Variants in ABCA9 observed in about 807,000 individuals in gnomAD.
ABCA9 encodes the protein ATP-binding cassette sub-family A member 9.
ABCA9 carries 183 observed loss-of-function variants against 205.3 expected under a neutral mutation model. The ratio of observed to expected loss-of-function variants is 0.89; its 90% CI spans 0.79 to 1.01. The LOEUF (loss-of-function observed/expected upper bound fraction) is 1.01. ABCA9 is among the 50% of genes least tolerant of loss of function. ABCA9 has a pLI of 0.00. For synonymous variants in ABCA9, 651 were observed against 683.3 expected (o/e 0.95, Z 0.74); for missense variants, 1,805 against 1,912.4 (o/e 0.94, Z 1.05).
intron 28 of ABCA9, among the ~76,000 whole-genome samples, chr17:68,991,842 ATTC>A (rs1267962953): frequency 6.6e-6 from 1 of 152,138 alleles, no homozygotes; most frequent in African/African-American, 2.4e-5. Context: ...TGCACAAACT[ATTC>A]TTCCTTCCCG....
intron 6 of ABCA9, chr17:69,043,220 A>G: frequency 3.0e-6 from 1 of 331,284 alleles, no homozygotes; most frequent in Non-Finnish European, 5.5e-6. Flanking sequence ...ATAGAGTTTG[A>G]GCTTCTGTGA....
chr17:69,051,233 T>G, intron 1 of ABCA9, 94 bp from the exon 2 acceptor site: 3 of 1,075,956 alleles, frequency 2.8e-6, no homozygotes, highest in Non-Finnish European at 3.9e-6. Flanking sequence ...GTAACAGCTG[T>G]TTCCAGTTGC....
chr17:69,012,750 C>CTT (rs1469156599), intron 22 of ABCA9, among the ~76,000 whole-genome samples: 1 of 152,106 alleles, frequency 6.6e-6, no homozygotes, highest in East Asian at 1.9e-4. Context: ...CAATTATACT[C>CTT]TTTTAGTTAT....
intron 3 of ABCA9, among the ~76,000 whole-genome samples, chr17:69,047,507 A>G (rs1268078375): frequency 1.3e-5 from 2 of 152,022 alleles, no homozygotes; most frequent in East Asian, 1.9e-4. Flanking sequence ...AGCTGGAGCT[A>G]TGATAACATT....
At chr17:69,075,625 G>A in the ABCA9 span, among the ~76,000 whole-genome samples, 3 of 152,078 alleles carry the variant, frequency 2.0e-5, no homozygotes, top group African/African-American at 7.2e-5. Context: ...CAAGTATCAT[G>A]CTGTTTTGGT....
intron 30 of ABCA9, among the ~76,000 whole-genome samples, 157 bp downstream of exon 30, chr17:68,989,652 AAAAG>A (rs2069379566): frequency 6.6e-6 from 1 of 152,150 alleles, no homozygotes; most frequent in South Asian, 2.1e-4. Flanking sequence ...TGTAAAGAAA[AAAAG>A]GTCGTTATCA....
intron 22 of ABCA9, among the ~76,000 whole-genome samples, chr17:69,014,593 C>A (rs568196828): frequency 6.6e-6 from 1 of 151,794 alleles, no homozygotes; most frequent in African/African-American, 2.4e-5. Context: ...TGGTTTTGTC[C>A]AAGAAATTTT....
At chr17:69,004,977 G>C (rs532539096) in intron 25 of ABCA9, among the ~76,000 whole-genome samples, 1 of 152,134 alleles carries the variant, frequency 6.6e-6, no homozygotes, top group Non-Finnish European at 1.5e-5. Context: ...GCCCTGCTTC[G>C]GCTCGTGCAT....
At chr17:69,026,340 G>T in intron 16 of ABCA9, 37 bp downstream of exon 16, 1 of 1,544,200 alleles carries the variant, frequency 6.5e-7, no homozygotes. Context: ...AGCATTTTCA[G>T]CATCTGTCAA....
chr17:69,069,644 C>T, the ABCA9 span, among the ~76,000 whole-genome samples: 72 of 151,356 alleles, frequency 4.8e-4, no homozygotes, highest in African/African-American at 1.4e-3. Context: ...AGAGTAAAGC[C>T]TGCACTAGAT....
intron 2 of ABCA9, among the ~76,000 whole-genome samples, chr17:69,049,908 G>A (rs1041271782): frequency 6.6e-6 from 1 of 152,072 alleles, no homozygotes; most frequent in African/African-American, 2.4e-5. Flanking sequence ...TTGCTGGTAT[G>A]TGGAAGAAGA....
At chr17:69,028,852 G>A (rs2071076016) in intron 11 of ABCA9, among the ~76,000 whole-genome samples, 1 of 152,048 alleles carries the variant, frequency 6.6e-6, no homozygotes, top group Non-Finnish European at 1.5e-5. Flanking sequence ...TAATTTTTTT[G>A]ATAAAAGCAG....
Position 68,999,572 on chromosome 17 carries a change from T to A in ABCA9, c.3436-3558A>T, listed in dbSNP as rs534649100. 5.5e-5 allele frequency among the ~76,000 whole-genome samples: 8 copies of A among 145,698 alleles called. No individual in the cohort carries two copies. The East Asian group carries it at 1.6e-3, about 29-fold the overall frequency. On this transcript the variant is annotated intron_variant, in intron 25 of 38. Coordinates refer to ENST00000340001, the MANE Select transcript of ABCA9 (RefSeq NM_080283.4). ...TCCAAGTCTTTGCTATTGTGAATAA[T>A]GCCGCAATAAACATACGTGTGCATG...
intron 37 of ABCA9, 126 bp downstream of exon 37, chr17:68,982,436 G>C: frequency 1.3e-6 from 1 of 744,552 alleles, no homozygotes; most frequent in Non-Finnish European, 2.3e-6. Flanking sequence ...TGGATTAGCA[G>C]TCTTAGTAAT....
intron 20 of ABCA9, 94 bp downstream of exon 20, chr17:69,018,317 TAC>T (rs2144270568): frequency 8.7e-7 from 1 of 1,152,204 alleles, no homozygotes; most frequent in Non-Finnish European, 1.2e-6. Flanking sequence ...TTCTAAAACA[TAC>T]AGAGTTTATT....
chr17:69,033,545 A>T (rs1021820681), intron 9 of ABCA9, 181 bp downstream of exon 9: 5 of 445,998 alleles, frequency 1.1e-5, no homozygotes, highest in African/African-American at 1.0e-4. Flanking sequence ...AACACTCTGG[A>T]GTGTTATAGC....
chr17:68,989,254 TCTCACA>T (rs1164384910), intron 30 of ABCA9, 136 bp from the exon 31 acceptor site: 34 of 416,738 alleles, frequency 8.2e-5, no homozygotes, highest in Middle Eastern at 6.5e-4. Context: ...TCTCTCTCTC[TCTCACA>T]CACACACACA....
At chr17:69,021,907 G>A in intron 17 of ABCA9, 46 bp from the exon 18 acceptor site, 1 of 1,298,834 alleles carries the variant, frequency 7.7e-7, no homozygotes, top group Non-Finnish European at 1.0e-6. Context: ...AATTTATAAT[G>A]AGAACCATAT....
intron 37 of ABCA9, among the ~76,000 whole-genome samples, chr17:68,977,227 G>A (rs2068914164): frequency 6.6e-6 from 1 of 151,934 alleles, no homozygotes; most frequent in Admixed American, 6.6e-5. Context: ...GTGGTCACAG[G>A]AGCCAAAAGC....
Sources: allele counts gnomAD v4.1 joint callset (sites outside exome capture counted in the v4.1 genomes callset), GRCh38; gene constraint gnomAD v4.1.1; transcripts MANE v1.5; gene names NCBI Gene and HGNC (gene_info 2026-07-23, HGNC 2026-07-21).